The following CDC42BPA variants were observed in gnomAD, a reference collection of about 807,000 sequenced individuals.
CDC42BPA encodes the protein serine/threonine-protein kinase MRCK alpha.
Under a neutral mutation model 223.5 loss-of-function variants are expected in CDC42BPA, and 80 were observed. That is an observed-to-expected ratio of 0.36 (90% CI 0.30 to 0.43). The LOEUF is 0.43. Ranked by LOEUF, CDC42BPA falls within the 20% of genes least tolerant of loss-of-function variation. The pLI, the probability that CDC42BPA is intolerant of heterozygous loss-of-function variation, is 1.00. For missense variants in CDC42BPA, 1,743 were observed against 2,099.9 expected, an observed-to-expected ratio of 0.83 and a Z score of 3.32; for synonymous variants, 694 against 718.6, an observed-to-expected ratio of 0.97 and a Z score of 0.55.
Position 227,028,764 on chromosome 1 carries a change from C to A in CDC42BPA, c.4325G>T (p.Ser1442Ile). The change falls in exon 30 of 37, where the codon AGT becomes ATT. Residue 1442 changes from serine (S) to isoleucine (I), a missense_variant. Around this residue, in one of 6 missense-constraint regions of CDC42BPA, gnomAD observed 678 missense variants for 777.5 expected, o/e 0.87. Coordinates refer to ENST00000366766, the MANE Select transcript of CDC42BPA (RefSeq NM_001394014.1). The part of the protein sequence containing the change: ...MDAICAVEIS[S>I]KEYLLCFNSI... ...GTTAAAACACAGCAGATATTCTTTA[C>A]TGGAGATCTCAACTGCGCAGATAGC... 1 of 1,614,148 alleles carries A rather than the reference C, an allele frequency of 6.2e-7. No individual in the cohort carries two copies. The highest frequency in any genetic ancestry group is 1.3e-5 in the African/African-American group (1 of 75,046).
At chr1:227,121,778 G>C (rs1254239582) in intron 11 of CDC42BPA, among the ~76,000 whole-genome samples, 5 of 150,882 alleles carry the variant, frequency 3.3e-5, no homozygotes, top group Admixed American at 3.3e-4. Context: ...AACATTTTTA[G>C]GATACCAACA....
chr1:227,043,156 G>A (rs980086799), intron 23 of CDC42BPA, among the ~76,000 whole-genome samples: 16 of 152,048 alleles, frequency 1.1e-4, no homozygotes, highest in African/African-American at 2.4e-4. Flanking sequence ...CCTTATGCCC[G>A]TAATCCCAAG....
chr1:227,247,846 C>T (rs1201763459), intron 2 of CDC42BPA, among the ~76,000 whole-genome samples: 3 of 152,136 alleles, frequency 2.0e-5, no homozygotes, highest in Non-Finnish European at 2.9e-5. Flanking sequence ...CACACCACTG[C>T]ACTCCAACCT....
At chr1:227,009,193 A>G (rs1664700304) in intron 34 of CDC42BPA, among the ~76,000 whole-genome samples, 1 of 152,200 alleles carries the variant, frequency 6.6e-6, no homozygotes, top group Non-Finnish European at 1.5e-5. Context: ...GTAATAAAGG[A>G]ATGACAAAAA....
chr1:227,044,176 T>C (rs1671936688), intron 23 of CDC42BPA, among the ~76,000 whole-genome samples: 1 of 152,332 alleles, frequency 6.6e-6, no homozygotes, highest in Non-Finnish European at 1.5e-5. Context: ...CACTTGCCAA[T>C]CTTTCAATGG....
intron 2 of CDC42BPA, chr1:227,235,282 G>A (rs1678795565): frequency 6.6e-6 from 1 of 152,128 alleles, no homozygotes; most frequent in African/African-American, 2.4e-5. Context: ...AATTCTCTCA[G>A]AAAAAGGCCA....
At chr1:227,247,254 T>C (rs913211266) in intron 2 of CDC42BPA, among the ~76,000 whole-genome samples, 10 of 148,820 alleles carry the variant, frequency 6.7e-5, no homozygotes, top group African/African-American at 2.5e-4. Flanking sequence ...TCCCAGCACT[T>C]TGGGAGGCCA....
At chr1:227,250,470 A>C (rs1681778602) in intron 2 of CDC42BPA, among the ~76,000 whole-genome samples, 1 of 152,124 alleles carries the variant, frequency 6.6e-6, no homozygotes, top group Non-Finnish European at 1.5e-5. Context: ...CCTGGGCGAC[A>C]AGAGCAAAAC....
intron 5 of CDC42BPA, among the ~76,000 whole-genome samples, chr1:227,163,179 CAT>C (rs1664417816): frequency 6.6e-6 from 1 of 151,618 alleles, no homozygotes; most frequent in African/African-American, 2.4e-5. Flanking sequence ...TGTTTCCAAA[CAT>C]ATGTGTGTAT....
chr1:227,182,774 G>T (rs1174937040), intron 5 of CDC42BPA: 4 of 152,210 alleles, frequency 2.6e-5, no homozygotes, highest in African/African-American at 9.6e-5. Context: ...TCAACGGACT[G>T]AAAGAGGAAG....
chr1:227,139,710 G>A lies in CDC42BPA; in HGVS notation c.1256C>T (p.Thr419Met), dbSNP rs370729750. Residue 419 changes from threonine (T) to methionine (M), a missense_variant, in exon 10 of 37, where the codon ACG (threonine) becomes ATG (methionine). Physicochemically the swap from Thr to Met is moderately conservative, Grantham distance 81. This residue lies in a region of CDC42BPA where 464 missense variants were observed against 488.0 expected (regional missense o/e 0.95). Transcript: ENST00000366766. ...VLSDRSCLRV[T>M]AGPTSLDLDV... Reference sequence around the variant, plus strand: ...AAGATCCAGTGAGGTGGGACCAGCCGTAACTCTTAAACAGCTCCGATCAGA... The same window carrying A: ...AAGATCCAGTGAGGTGGGACCAGCCATAACTCTTAAACAGCTCCGATCAGA... The A allele has an allele frequency of 4.8e-5, 77 of 1,595,498 alleles. 1 individual carries two copies. In the African/African-American group the frequency reaches 5.3e-4, roughly 11 times the overall value.
In CDC42BPA at chr1:227,195,854, A is replaced by C. The variant is rs145017180; in HGVS notation, c.451-1920T>G. 3.4e-3 allele frequency among the ~76,000 whole-genome samples: 523 copies of C among 152,328 alleles called. 3 individuals carry two copies. The highest frequency in any genetic ancestry group is 0.012 in the African/African-American group (492 of 41,570). ...CATAGACTGAGAGGTAATATTCATAATAGGTCAAGGATATAATCCTAAAAT... is the reference window on the plus strand; with the variant it reads ...CATAGACTGAGAGGTAATATTCATACTAGGTCAAGGATATAATCCTAAAAT... On this transcript the variant is annotated intron_variant, in intron 4 of 36. Transcript: ENST00000366766.
chr1:227,173,466 T>A (rs1036918832), intron 5 of CDC42BPA, among the ~76,000 whole-genome samples: 3 of 152,128 alleles, frequency 2.0e-5, no homozygotes, highest in African/African-American at 7.2e-5. Context: ...TTTATTTGAG[T>A]CATACTATGT....
chr1:227,314,304 T>C (rs1262584004), intron 1 of CDC42BPA, among the ~76,000 whole-genome samples: 1 of 152,042 alleles, frequency 6.6e-6, no homozygotes, highest in Non-Finnish European at 1.5e-5. Flanking sequence ...TGAAAAATAA[T>C]ACATCTTATT....
chr1:227,219,849 C>T (rs1012034714), intron 2 of CDC42BPA, among the ~76,000 whole-genome samples: 3 of 152,066 alleles, frequency 2.0e-5, no homozygotes, highest in Non-Finnish European at 4.4e-5. Context: ...ATAATCCAGC[C>T]AATACTACCT....
chr1:227,281,385 A>G (rs1687993010), intron 1 of CDC42BPA, among the ~76,000 whole-genome samples: 1 of 152,038 alleles, frequency 6.6e-6, no homozygotes, highest in Non-Finnish European at 1.5e-5. Context: ...ACAGCTCCTA[A>G]AGGGATTACC....
intron 17 of CDC42BPA, among the ~76,000 whole-genome samples, chr1:227,079,476 C>G (rs1488169128): frequency 6.6e-6 from 1 of 152,072 alleles, no homozygotes; most frequent in Non-Finnish European, 1.5e-5. Flanking sequence ...TCATTTTCAG[C>G]TCCTCCTTAC....
At chr1:227,093,954 T>C (rs1328415333) in intron 15 of CDC42BPA, among the ~76,000 whole-genome samples, 3 of 152,142 alleles carry the variant, frequency 2.0e-5, no homozygotes, top group South Asian at 2.1e-4. Context: ...AACCAACCTG[T>C]TTTTGCATAA....
At chr1:227,260,317 T>C (rs576166729) in intron 1 of CDC42BPA, among the ~76,000 whole-genome samples, 73 of 151,294 alleles carry the variant, frequency 4.8e-4, no homozygotes, top group Middle Eastern at 3.4e-3. Context: ...CTGGGGTTCA[T>C]TGTTTACTGT....
Sources: gnomAD v4.1 joint callset for allele counts (sites outside exome capture counted in the v4.1 genomes callset) on GRCh38, gnomAD v4.1.1 for gene constraint, gnomAD v4.1.1 regional missense constraint, MANE v1.5 for transcripts, NCBI Gene and HGNC (gene_info 2026-07-23, HGNC 2026-07-21) for gene names.